Variants in SLC12A7 observed in about 807,000 individuals in gnomAD.
SLC12A7 encodes K-Cl cotransporter 4.
SLC12A7 carries 100 observed loss-of-function variants against 120.6 expected under a neutral mutation model. The ratio of observed to expected loss-of-function variants is 0.83; its 90% CI spans 0.71 to 0.98. The LOEUF is 0.98. Ranked by LOEUF, SLC12A7 falls within the 50% of genes least tolerant of loss-of-function variation. The pLI is 0.00. For synonymous variants in SLC12A7, 760 were observed against 678.0 expected (o/e 1.12, Z -1.88); for missense variants, 1,373 against 1,548.1 (o/e 0.89, Z 1.90).
At chr5:1,076,473 G>T (rs553772484) in intron 13 of SLC12A7, among the ~76,000 whole-genome samples, 1 of 92,996 alleles carries the variant, frequency 1.1e-5, no homozygotes, top group African/African-American at 3.8e-5. Flanking sequence ...CCCAGCAGCC[G>T]TCTGTCCAGC....
At position 1,076,157 on chromosome 5, in the gene SLC12A7, G is replaced by T; in HGVS notation, c.1828C>A (p.Arg610Ser). 6.2e-7 allele frequency: 1 copy of T among 1,611,618 alleles called. No individual in the cohort carries two copies. Among genetic ancestry groups the T allele is most frequent in the Non-Finnish European group, 8.5e-7 (1 of 1,179,302 alleles). ...TLLRTPNWRP[R>S]FKFYHWTLSF... ...CCTCACCAGTGGTAGAACTTGAAGC[G>T]TGGACGCCAGTTGGGGGTACGTAGC... The change falls in exon 14 of 24, where the codon CGC becomes AGC. Residue 610 changes from arginine to serine, a missense_variant. Arg to Ser is a moderately radical substitution (Grantham distance 110, BLOSUM62 -1). Transcript: ENST00000264930.
At position 1,051,350 on chromosome 5, in the gene SLC12A7, A is replaced by C. The variant is rs995211601; in HGVS notation, c.*1010T>G. 5 of 129,700 alleles carry C rather than the reference A, an allele frequency of 3.9e-5. No homozygotes were observed. In the South Asian group the frequency reaches 1.4e-3, roughly 36 times the overall value. The allele number at this position is 129,700 out of a possible 1,614,324, so 8.0% of individuals were successfully genotyped here. ...CACCGGGGTGGGGATGGCACGTGTGAGCCAGCTCAGAGGCTGAACTGTGTG... is the reference window on the plus strand; with the variant it reads ...CACCGGGGTGGGGATGGCACGTGTGCGCCAGCTCAGAGGCTGAACTGTGTG... On this transcript the variant is annotated 3_prime_UTR_variant, in exon 24 of 24. Transcript: ENST00000264930.
At position 1,050,915 on chromosome 5, in the gene SLC12A7, T is replaced by C. The variant is rs992236906; in HGVS notation, c.*1445A>G. On this transcript the variant is annotated 3_prime_UTR_variant, in exon 24 of 24. Transcript: ENST00000264930. ...AGCCTCTGCCCCGATTTGAACTTTG[T>C]TGATGGGGCTGATTCCCTTGGGAGA... 2.5e-6 allele frequency: 1 copy of C among 398,546 alleles called. No individual in the cohort carries two copies. Among genetic ancestry groups the C allele is most frequent in the African/African-American group, 2.1e-5 (1 of 48,638 alleles). 24.7% of individuals were successfully genotyped at this position (398,546 alleles called of 1,614,324 possible).
chr5:1,088,029 G>T (rs528481746), intron 5 of SLC12A7, among the ~76,000 whole-genome samples: 1 of 152,290 alleles, frequency 6.6e-6, no homozygotes, highest in African/African-American at 2.4e-5. Context: ...CACTGGAATC[G>T]CCCGTGCCTC....
intron 9 of SLC12A7, among the ~76,000 whole-genome samples, 163 bp from the exon 10 acceptor site, chr5:1,079,659 C>T (rs1013127206): frequency 2.6e-5 from 4 of 152,130 alleles, no homozygotes; most frequent in Non-Finnish European, 4.4e-5. Flanking sequence ...TGCAATACTG[C>T]GGCTGAGGGG....
At chr5:1,093,488 A>G in intron 3 of SLC12A7, 45 bp downstream of exon 3, 3 of 118,684 alleles carry the variant, frequency 2.5e-5, no homozygotes, top group Non-Finnish European at 4.6e-5. Flanking sequence ...CCCTGCCGGG[A>G]CACACGGGGC....
At chr5:1,112,839 T>C, upstream of SLC12A7, among the ~76,000 whole-genome samples, 1 of 145,542 alleles carries the variant, frequency 6.9e-6, no homozygotes. Flanking sequence ...TTGGTCCAGC[T>C]CCAGTTTAGG....
intron 22 of SLC12A7, among the ~76,000 whole-genome samples, chr5:1,055,173 C>A (rs988483592): frequency 6.6e-6 from 1 of 152,226 alleles, no homozygotes. Flanking sequence ...GATGTGTACA[C>A]ACACAGGCAT....
At chr5:1,075,845 G>A in intron 14 of SLC12A7, 1 of 508,398 alleles carries the variant, frequency 2.0e-6, no homozygotes, top group Non-Finnish European at 3.5e-6. Flanking sequence ...CCCCAAGCCT[G>A]GGAAGGCTGG....
At chr5:1,112,586 C>A (rs1363300991), upstream of SLC12A7, among the ~76,000 whole-genome samples, 2 of 11,988 alleles carry the variant, frequency 1.7e-4, no homozygotes, top group Admixed American at 5.7e-4. Context: ...CCCCCTCCCG[C>A]ACCCCCTCCT....
chr5:1,096,484 A>G (rs1438473509), intron 1 of SLC12A7, among the ~76,000 whole-genome samples: 1 of 151,968 alleles, frequency 6.6e-6, no homozygotes, highest in Non-Finnish European at 1.5e-5. Flanking sequence ...TTCCAAGATG[A>G]GTCCCATCCA....
intron 22 of SLC12A7, among the ~76,000 whole-genome samples, chr5:1,053,976 G>T (rs569208944): frequency 6.6e-6 from 1 of 152,330 alleles, no homozygotes; most frequent in South Asian, 2.1e-4. Flanking sequence ...CGAGGGTCCT[G>T]ATACAACTGG....
intron 1 of SLC12A7, among the ~76,000 whole-genome samples, chr5:1,108,748 C>T (rs879895377): frequency 6.6e-6 from 1 of 152,218 alleles, no homozygotes; most frequent in Admixed American, 6.5e-5. Context: ...ACCCAGCACC[C>T]GACAGGCGAG....
At position 1,051,713 on chromosome 5, in the gene SLC12A7, C is replaced by A. The variant is rs116533706; in HGVS notation, c.*647G>T. 6.6e-6 allele frequency: 1 copy of A among 152,434 alleles called. No homozygotes were observed. Among genetic ancestry groups the A allele is most frequent in the South Asian group, 2.1e-4 (1 of 4,834 alleles). 9.4% of individuals were successfully genotyped at this position (152,434 alleles called of 1,614,324 possible). On this transcript the variant is annotated 3_prime_UTR_variant, in exon 24 of 24. Coordinates refer to ENST00000264930, the MANE Select transcript of SLC12A7 (RefSeq NM_006598.3). ...ATGATCCACCACGTTCTGGAAAAGC[C>A]GAGTTCCCTTTCCAGATGGCCCTGG...
At chr5:1,061,932 CAA>C (rs1489125251) in intron 20 of SLC12A7, among the ~76,000 whole-genome samples, 8 of 152,166 alleles carry the variant, frequency 5.3e-5, no homozygotes, top group Non-Finnish European at 1.2e-4. Flanking sequence ...GACTCTGTCT[CAA>C]AACTTTTTTT....
At chr5:1,135,534 C>G in the SLC12A7 span, among the ~76,000 whole-genome samples, 1 of 152,220 alleles carries the variant, frequency 6.6e-6, no homozygotes, top group East Asian at 1.9e-4. Flanking sequence ...CATGGAGATA[C>G]ATGATGCTGG....
At chr5:1,145,450 C>T in the SLC12A7 span, among the ~76,000 whole-genome samples, 3 of 152,238 alleles carry the variant, frequency 2.0e-5, no homozygotes, top group Non-Finnish European at 2.9e-5. This position sits in a 1 kb window ranked among gnomAD's most constrained non-coding sequence, Gnocchi z 4.4. Context: ...GAGGAGCCAT[C>T]GGAGGCTGCA....
chr5:1,147,935 A>G, the SLC12A7 span, among the ~76,000 whole-genome samples: 2 of 151,594 alleles, frequency 1.3e-5, no homozygotes, highest in Non-Finnish European at 2.9e-5. Flanking sequence ...GGATCTTGCT[A>G]TGTTGCCCAG....
At chr5:1,082,739 C>CT (rs1739326952) in intron 8 of SLC12A7, among the ~76,000 whole-genome samples, 3 of 141,488 alleles carry the variant, frequency 2.1e-5, no homozygotes, top group East Asian at 2.2e-4. Context: ...CTTCCCATCT[C>CT]AGGTTCTGGA....
Sources: allele counts gnomAD v4.1 joint callset (sites outside exome capture counted in the v4.1 genomes callset), GRCh38; gene constraint gnomAD v4.1.1; non-coding constraint Gnocchi (gnomAD v3.1); transcripts MANE v1.5; gene names NCBI Gene and HGNC (gene_info 2026-07-23, HGNC 2026-07-21).